The following CPNE5 variants were observed in gnomAD, a reference collection of about 807,000 sequenced individuals.
The protein encoded by CPNE5 is copine-5.
CPNE5 carries 42 observed loss-of-function variants against 81.1 expected under a neutral mutation model. That is an observed-to-expected ratio of 0.52 (90% CI 0.40 to 0.67). The LOEUF (loss-of-function observed/expected upper bound fraction) is 0.67, where lower values mean the gene tolerates loss of function less well. Among genes scored for constraint, CPNE5 ranks in the 30% least tolerant of loss-of-function variants. The pLI is 0.00. For synonymous variants in CPNE5, 313 were observed against 321.5 expected, an observed-to-expected ratio of 0.97 and a Z score of 0.28; for missense variants, 612 against 815.5, an observed-to-expected ratio of 0.75 and a Z score of 3.04.
At chr6:36,809,284 T>C (rs1770884031) in intron 3 of CPNE5, among the ~76,000 whole-genome samples, 1 of 149,870 alleles carries the variant, frequency 6.7e-6, no homozygotes, top group Admixed American at 6.6e-5. Context: ...AGAGAAAGAG[T>C]CCTCAACCCT....
At chr6:36,798,857 C>A (rs973375814) in intron 4 of CPNE5, among the ~76,000 whole-genome samples, 6 of 152,200 alleles carry the variant, frequency 3.9e-5, no homozygotes, top group African/African-American at 1.4e-4. Context: ...CCTTCACTTA[C>A]AGAGTTCTCC....
Position 36,820,326 on chromosome 6 carries a change from T to C in CPNE5, c.183+1788A>G, listed in dbSNP as rs1050630906. Among the ~76,000 whole-genome samples the C allele has an allele frequency of 3.4e-5, 5 of 145,796 alleles. No individual in the cohort carries two copies. In the Admixed American group the frequency reaches 3.5e-4, roughly 10 times the overall value. ...CCTCTGTAGGCCCAGCTTCCTTTCCTAATCCATTCTTTTTTTTTTTTTTTT... is the reference window on the plus strand; with the variant it reads ...CCTCTGTAGGCCCAGCTTCCTTTCCCAATCCATTCTTTTTTTTTTTTTTTT... On this transcript the variant is annotated intron_variant, in intron 3 of 20. Transcript: ENST00000244751.
chr6:36,756,111 CCATCTCTCTTGGATGTCTGATT>C, intron 13 of CPNE5, 112 bp downstream of exon 13: 5 of 520,732 alleles, frequency 9.6e-6, no homozygotes, highest in East Asian at 4.1e-5. Context: ...CCTCCCCACC[CCATCTCTCTTGGATGTCTGATT>C]CCCACGCTCA....
chr6:36,742,252 C>T lies in CPNE5; in HGVS notation c.*16G>A, dbSNP rs1228600882. 6.4e-5 allele frequency: 99 copies of T among 1,543,402 alleles called. No homozygotes were observed. Among genetic ancestry groups the T allele is most frequent in the Non-Finnish European group, 7.6e-5 (87 of 1,140,866 alleles). ...GCCTCTCCCAGGCCCCAGCCACCTG[C>T]CTGCTGAGACCAGGTTCAGATGTGC... On this transcript the variant is annotated 3_prime_UTR_variant, in exon 21 of 21. Transcript: ENST00000244751.
At chr6:36,798,404 A>T in intron 5 of CPNE5, 51 bp downstream of exon 5, 1 of 1,591,352 alleles carries the variant, frequency 6.3e-7, no homozygotes, top group South Asian at 1.1e-5. Flanking sequence ...CACCCAGAGG[A>T]TGGCATTTCA....
chr6:36,770,532 T>C (rs1766954674), intron 10 of CPNE5, among the ~76,000 whole-genome samples: 1 of 152,116 alleles, frequency 6.6e-6, no homozygotes, highest in Non-Finnish European at 1.5e-5. Flanking sequence ...GTTCTCATCC[T>C]CCTGTACCTC....
At chr6:36,817,047 C>T (rs534389238) in intron 3 of CPNE5, among the ~76,000 whole-genome samples, 2 of 152,278 alleles carry the variant, frequency 1.3e-5, no homozygotes, top group African/African-American at 4.8e-5. Flanking sequence ...GTGTGAAGGC[C>T]GGGTGCAGTG....
At position 36,781,610 on chromosome 6, in the gene CPNE5, A is replaced by G. The variant is rs146281243; in HGVS notation, c.529-2653T>C. On this transcript the variant is annotated intron_variant, in intron 8 of 20. Transcript: ENST00000244751. Reference sequence around the variant, plus strand: ...TCCCGTCCCATGCTGGATGGAAGGAACACTTTAAATGCCCCCCTAGGGAGC... The same window carrying G: ...TCCCGTCCCATGCTGGATGGAAGGAGCACTTTAAATGCCCCCCTAGGGAGC... Among the ~76,000 whole-genome samples the G allele has an allele frequency of 4.7e-4, 72 of 152,178 alleles. 1 individual carries two copies. In the East Asian group the frequency reaches 7.6e-3, roughly 16 times the overall value.
chr6:36,745,065 T>C lies in CPNE5; in HGVS notation c.1414A>G (p.Lys472Glu). The C allele has an allele frequency of 4.3e-6, 7 of 1,613,794 alleles. No homozygotes were observed. The highest frequency in any genetic ancestry group is 5.9e-6 in the Non-Finnish European group (7 of 1,179,672). Reference sequence around the variant, plus strand: ...TTGCTTACGTTGACAATGGCCTCCTTGGTCTGCGCCATGTCCGAGATGACC... The same window carrying C: ...TTGCTTACGTTGACAATGGCCTCCTCGGTCTGCGCCATGTCCGAGATGACC... ...DGVISDMAQT[K>E]EAIVNAAKLP... Residue 472 changes from lysine to glutamate, a missense_variant, in exon 18 of 21, where the codon AAG becomes GAG. Lys to Glu is a moderately conservative substitution (Grantham distance 56). Transcript: ENST00000244751.
At chr6:36,818,287 C>T (rs1771737590) in intron 3 of CPNE5, among the ~76,000 whole-genome samples, 1 of 152,200 alleles carries the variant, frequency 6.6e-6, no homozygotes, top group Admixed American at 6.5e-5. Flanking sequence ...CCTGAACTCC[C>T]ATTTTCTTCC....
rs1345105326 is a variant in CPNE5, at chr6:36,753,074, C to T, written c.931G>A (p.Val311Met). Reference sequence around the variant, plus strand: ...TCAAGGAAGGTGCACTCTGACTCCACAGCAAAGGAAAGCAGGGTGACCTTC... The same window carrying T: ...TCAAGGAAGGTGCACTCTGACTCCATAGCAAAGGAAAGCAGGGTGACCTTC... Reference protein sequence around the residue: ...SGTVTLLSFAVESECTFLDYI... With the variant: ...SGTVTLLSFAMESECTFLDYI... Residue 311 changes from valine (V) to methionine (M), a missense_variant, in exon 14 of 21, where the codon GTG (valine) becomes ATG (methionine). Transcript: ENST00000244751. 6.8e-6 allele frequency: 11 copies of T among 1,613,200 alleles called. No homozygotes were observed. The highest frequency in any genetic ancestry group is 8.5e-6 in the Non-Finnish European group (10 of 1,179,362).
intron 3 of CPNE5, among the ~76,000 whole-genome samples, chr6:36,803,506 T>C (rs1401638029): frequency 1.3e-5 from 2 of 152,334 alleles, no homozygotes; most frequent in Middle Eastern, 3.4e-3. Context: ...CAGCATTTAA[T>C]ACACAGCCGC....
chr6:36,830,873 T>C (rs1004529344), intron 1 of CPNE5, among the ~76,000 whole-genome samples: 15 of 152,012 alleles, frequency 9.9e-5, no homozygotes, highest in African/African-American at 3.6e-4. Flanking sequence ...AAGTTTTAAA[T>C]GTTTCTACTT....
At chr6:36,760,886 G>A (rs1427763177) in intron 12 of CPNE5, among the ~76,000 whole-genome samples, 2 of 152,162 alleles carry the variant, frequency 1.3e-5, no homozygotes, top group Non-Finnish European at 2.9e-5. Context: ...TTCTAGCAAG[G>A]CCTTCCTGCC....
intron 1 of CPNE5, among the ~76,000 whole-genome samples, chr6:36,832,559 G>A (rs1469755657): frequency 1.3e-5 from 2 of 152,200 alleles, no homozygotes; most frequent in Non-Finnish European, 2.9e-5. Flanking sequence ...CAGCCATTTT[G>A]TAACAACGAG....
chr6:36,776,911 C>A (rs1292401721), intron 9 of CPNE5, among the ~76,000 whole-genome samples: 3 of 152,192 alleles, frequency 2.0e-5, no homozygotes, highest in Non-Finnish European at 4.4e-5. Flanking sequence ...CAGTGACCAC[C>A]CTGTTCTCAC....
chr6:36,829,143 C>T (rs1359182990), intron 1 of CPNE5, among the ~76,000 whole-genome samples: 1 of 152,130 alleles, frequency 6.6e-6, no homozygotes, highest in African/African-American at 2.4e-5. Flanking sequence ...CCACTGCTGA[C>T]TGGTTGCATA....
chr6:36,778,733 T>A (rs989452905), intron 9 of CPNE5, 121 bp downstream of exon 9: 35 of 708,042 alleles, frequency 4.9e-5, no homozygotes, highest in Non-Finnish European at 7.2e-5. Flanking sequence ...GCCCTTGCCC[T>A]CTCTAGAGCA....
At chr6:36,790,294 T>C (rs1410752370) in intron 8 of CPNE5, among the ~76,000 whole-genome samples, 1 of 152,176 alleles carries the variant, frequency 6.6e-6, no homozygotes, top group Non-Finnish European at 1.5e-5. Flanking sequence ...CCCAAAATAA[T>C]GACTCAATTA....
Sources: gnomAD v4.1 joint callset for allele counts (sites outside exome capture counted in the v4.1 genomes callset) on GRCh38, gnomAD v4.1.1 for gene constraint, MANE v1.5 for transcripts, NCBI Gene and HGNC (gene_info 2026-07-23, HGNC 2026-07-21) for gene names.